The following ASAP2 variants were observed in gnomAD, a reference collection of about 807,000 sequenced individuals.
ASAP2 encodes the protein arf-GAP with SH3 domain, ANK repeat and PH domain-containing protein 2.
A neutral mutation model predicts 131.4 loss-of-function variants in ASAP2; 45 were observed. The observed-to-expected ratio is 0.34, with a 90% CI of 0.27 to 0.44. The LOEUF is 0.44. ASAP2 is among the 20% of genes least tolerant of loss of function. ASAP2 has a pLI of 1.00. For synonymous variants in ASAP2, 510 were observed against 503.0 expected, an observed-to-expected ratio of 1.01 and a Z score of -0.19; for missense variants, 1,011 against 1,297.0, an observed-to-expected ratio of 0.78 and a Z score of 3.39.
At chr2:9,271,662 C>T in intron 1 of ASAP2, 1 of 727,714 alleles carries the variant, frequency 1.4e-6, no homozygotes, top group Middle Eastern at 2.6e-4. Flanking sequence ...TGGAAATGGT[C>T]TGCGGAAGAC....
chr2:9,292,954 G>A (rs533161430), intron 2 of ASAP2, among the ~76,000 whole-genome samples: 1 of 152,344 alleles, frequency 6.6e-6, no homozygotes, highest in East Asian at 1.9e-4. Flanking sequence ...TCACTGTGCT[G>A]TGGGCCACAC....
chr2:9,296,575 C>T (rs950511565), intron 2 of ASAP2, among the ~76,000 whole-genome samples: 3 of 152,270 alleles, frequency 2.0e-5, no homozygotes, highest in Admixed American at 6.5e-5. Context: ...TCTAATATTT[C>T]AGGCACACGA....
intron 1 of ASAP2, among the ~76,000 whole-genome samples, chr2:9,208,986 A>G (rs1313617668): frequency 7.0e-6 from 1 of 143,748 alleles, no homozygotes; most frequent in African/African-American, 2.6e-5. Flanking sequence ...AAGAATTGCT[A>G]TTAAAATTGG....
intron 1 of ASAP2, among the ~76,000 whole-genome samples, chr2:9,219,398 T>G (rs1171786702): frequency 6.6e-6 from 1 of 152,190 alleles, no homozygotes; most frequent in Non-Finnish European, 1.5e-5. Context: ...CTTGAGCCAG[T>G]TAACTGTGTA....
intron 1 of ASAP2, among the ~76,000 whole-genome samples, chr2:9,229,731 G>A (rs1663022305): frequency 6.6e-6 from 1 of 152,198 alleles, no homozygotes; most frequent in Non-Finnish European, 1.5e-5. Context: ...GATAGCAAAG[G>A]GAGACTGGAG....
chr2:9,301,525 G>A (rs1454745384), intron 3 of ASAP2, among the ~76,000 whole-genome samples: 1 of 152,216 alleles, frequency 6.6e-6, no homozygotes, highest in Admixed American at 6.5e-5. Flanking sequence ...TCTGTGCTGA[G>A]AAGTGGCTTT....
At chr2:9,324,957 CTT>C (rs548779231) in intron 6 of ASAP2, among the ~76,000 whole-genome samples, 1 of 151,958 alleles carries the variant, frequency 6.6e-6, no homozygotes, top group Non-Finnish European at 1.5e-5. Flanking sequence ...TGTTATTTTA[CTT>C]TTTTTTATGT....
chr2:9,293,651 G>A (rs1236536520), intron 2 of ASAP2, among the ~76,000 whole-genome samples: 2 of 152,200 alleles, frequency 1.3e-5, no homozygotes, highest in African/African-American at 4.8e-5. Flanking sequence ...CAGTGGGTCA[G>A]TCAGTGCCAT....
At position 9,374,803 on chromosome 2, in the gene ASAP2, C is replaced by A; in HGVS notation, c.1605C>A (p.Tyr535Ter). The A allele has an allele frequency of 6.2e-7, 1 of 1,612,658 alleles. No individual in the cohort carries two copies. The highest frequency in any genetic ancestry group is 1.7e-5 in the Admixed American group (1 of 59,616). ...CAGCCAAGTACATCGAGAGGAGATACGCAAGGAAGAAGCACGCGGATAACG... is the reference window on the plus strand; with the variant it reads ...CAGCCAAGTACATCGAGAGGAGATAAGCAAGGAAGAAGCACGCGGATAACG... ...YITAKYIERR[Y>*]ARKKHADNAA... The change falls in exon 17 of 28, where the codon TAC (tyrosine) becomes TAA (stop). Residue 535 changes from tyrosine to a stop codon, truncating the protein, a stop_gained. Transcript: ENST00000281419. LOFTEE classifies it high-confidence loss of function.
Position 9,207,270 on chromosome 2 carries a change from C to T in ASAP2, c.126+40C>T, listed in dbSNP as rs767781254. 3 of 1,497,314 alleles carry T rather than the reference C, an allele frequency of 2.0e-6. No homozygotes were observed. The highest frequency in any genetic ancestry group is 1.4e-5 in the African/African-American group (1 of 70,212). The allele number at this position is 1,497,314 out of a possible 1,614,324, so 92.8% of individuals were successfully genotyped here. A position where few individuals can be genotyped will look rare whatever the true frequency, so the allele number is the denominator to read the frequency against. ...GCGGCGGCTCCGGCCGCAGGTATCC[C>T]GCGCCCCAGCCCCGCCCGCCGCTCC... is the stretch of plus-strand genomic sequence containing the variant. On this transcript the variant is annotated intron_variant, in intron 1 of 27. Transcript: ENST00000281419. This position sits in a 1 kb window ranked among gnomAD's most constrained non-coding sequence, Gnocchi z 4.1.
chr2:9,270,652 A>C (rs13388441), intron 1 of ASAP2, among the ~76,000 whole-genome samples: 34,911 of 151,644 alleles, frequency 0.23, 4,235 homozygotes, highest in African/African-American at 0.28. Flanking sequence ...TTTCTATCAA[A>C]TACTAGATCT....
chr2:9,306,629 G>A (rs1668962673), intron 3 of ASAP2, among the ~76,000 whole-genome samples: 1 of 151,902 alleles, frequency 6.6e-6, no homozygotes, highest in South Asian at 2.1e-4. Context: ...GAGATCCTGT[G>A]CCCCTTTGTC....
intron 1 of ASAP2, among the ~76,000 whole-genome samples, chr2:9,228,040 G>A (rs1662901943): frequency 6.6e-6 from 1 of 152,188 alleles, no homozygotes; most frequent in African/African-American, 2.4e-5. Context: ...GGAGAGGATA[G>A]TCTAGATAAC....
Position 9,358,493 on chromosome 2 carries a change from T to G in ASAP2, c.1328-263T>G, listed in dbSNP as rs558826071. On this transcript the variant is annotated intron_variant, in intron 14 of 27. Transcript: ENST00000281419. ...CTTGGTCACTGGAGTGTGTCCTGTTTATTTTTGCACACACAGCACCTGTCA... is the reference window on the plus strand; with the variant it reads ...CTTGGTCACTGGAGTGTGTCCTGTTGATTTTTGCACACACAGCACCTGTCA... Among the ~76,000 whole-genome samples the G allele has an allele frequency of 5.3e-5, 8 of 152,280 alleles. No homozygotes were observed. In the East Asian group the frequency reaches 1.5e-3, roughly 29 times the overall value.
intron 9 of ASAP2, 75 bp from the exon 10 acceptor site, chr2:9,344,457 G>C: frequency 7.8e-7 from 1 of 1,286,564 alleles, no homozygotes; most frequent in Non-Finnish European, 1.1e-6. Context: ...TTAGGCATAA[G>C]TTTCCTTTGT....
chr2:9,299,305 G>A (rs1668343314), intron 3 of ASAP2, among the ~76,000 whole-genome samples: 1 of 152,150 alleles, frequency 6.6e-6, no homozygotes, highest in Non-Finnish European at 1.5e-5. Context: ...CAGAATGGTG[G>A]TGAACTTCTC....
At chr2:9,231,977 T>C (rs188736610) in intron 1 of ASAP2, among the ~76,000 whole-genome samples, 1 of 152,328 alleles carries the variant, frequency 6.6e-6, no homozygotes, top group African/African-American at 2.4e-5. Context: ...CCTGCTTCCA[T>C]CTCTCTTGAT....
chr2:9,346,585 C>T (rs1323679024), intron 11 of ASAP2, among the ~76,000 whole-genome samples: 1 of 152,134 alleles, frequency 6.6e-6, no homozygotes, highest in Non-Finnish European at 1.5e-5. Flanking sequence ...AAATACCTTC[C>T]AGATCTCAAC....
intron 1 of ASAP2, among the ~76,000 whole-genome samples, chr2:9,276,311 G>T (rs974299842): frequency 6.6e-6 from 1 of 152,166 alleles, no homozygotes; most frequent in African/African-American, 2.4e-5. Context: ...GCACGGGCTG[G>T]GAAGACAGCA....
Sources: gnomAD v4.1 joint callset for allele counts (sites outside exome capture counted in the v4.1 genomes callset) on GRCh38, gnomAD v4.1.1 for gene constraint, Gnocchi (gnomAD v3.1) non-coding constraint, MANE v1.5 for transcripts, NCBI Gene and HGNC (gene_info 2026-07-23, HGNC 2026-07-21) for gene names.